Variants in GRIN2C observed in about 807,000 individuals in gnomAD.
GRIN2C encodes the protein glutamate receptor ionotropic, NMDA 2C.
GRIN2C carries 64 observed loss-of-function variants against 77.7 expected under a neutral mutation model. The ratio of observed to expected loss-of-function variants is 0.82; its 90% confidence interval spans 0.67 to 1.01. The LOEUF is 1.01. GRIN2C is among the 50% of genes least tolerant of loss of function. The pLI is 0.00. For missense variants in GRIN2C, 1,549 were observed against 1,486.0 expected, an observed-to-expected ratio of 1.04 and a Z score of -0.70; for synonymous variants, 792 against 643.4, an observed-to-expected ratio of 1.23 and a Z score of -3.49.
chr17:74,842,707 G>A lies in GRIN2C; in HGVS notation c.3430C>T (p.Gln1144Ter). 1 of 717,580 alleles carries A rather than the reference G, an allele frequency of 1.4e-6. No homozygotes were observed. The allele number at this position is 717,580 out of a possible 1,614,324, so 44.5% of individuals were successfully genotyped here. ...TGCAGGCAGACGTGCTGTCTGTGCT[G>A]CCAGGCGGGGGCCCCTGCCTGCTCG... ...EGEQAGAPAW[Q>*]HRQHVCLHAH... The change falls in exon 13 of 13, where the codon CAG (glutamine) becomes TAG (stop). Residue 1144 changes from glutamine (Q) to a stop codon, truncating the protein, a stop_gained. Coordinates refer to ENST00000293190, the MANE Select transcript of GRIN2C (RefSeq NM_000835.6). LOFTEE classifies it high-confidence loss of function.
rs898063755 is a variant in GRIN2C, at chr17:74,849,331, G to A, written c.1645+449C>T. ...GCCTCTGACAGGGAACTTTGGGAAGGCAAAGACTACGCTGTAGCCCCAGCA... is the reference window on the plus strand; with the variant it reads ...GCCTCTGACAGGGAACTTTGGGAAGACAAAGACTACGCTGTAGCCCCAGCA... On this transcript the variant is annotated intron_variant, in intron 7 of 12. Coordinates refer to ENST00000293190, the MANE Select transcript of GRIN2C (RefSeq NM_000835.6). The surrounding 1 kb of genome is among the most constrained non-coding windows in gnomAD (Gnocchi z 4.6). Among the ~76,000 whole-genome samples the A allele has an allele frequency of 2.0e-5, 3 of 152,164 alleles. No homozygotes were observed. The highest frequency in any genetic ancestry group is 2.0e-4 in the Admixed American group (3 of 15,284).
At chr17:74,854,565 C>G (rs1249084808) in intron 2 of GRIN2C, 129 bp downstream of exon 2, 2 of 678,326 alleles carry the variant, frequency 2.9e-6, no homozygotes, top group Non-Finnish European at 5.1e-6. Flanking sequence ...CCCCATCACC[C>G]ACATCATGCC....
chr17:74,847,049 G>A lies in GRIN2C; in HGVS notation c.2002-129C>T. On this transcript the variant is annotated intron_variant, in intron 9 of 12. Coordinates refer to ENST00000293190, the MANE Select transcript of GRIN2C (RefSeq NM_000835.6). The surrounding 1 kb of genome is among the most constrained non-coding windows in gnomAD (Gnocchi z 5.2). ...GTCAGAGCAGAAGGTCTTAAAGGCT[G>A]TCCAGGCCACTCCTGTGTTTTCCAA... 1.0e-6 allele frequency: 1 copy of A among 976,686 alleles called. No individual in the cohort carries two copies. Among genetic ancestry groups the A allele is most frequent in the Non-Finnish European group, 1.5e-6 (1 of 669,340 alleles). 60.5% of individuals were successfully genotyped at this position (976,686 alleles called of 1,614,324 possible).
chr17:74,846,813 C>G lies in GRIN2C; in HGVS notation c.2109G>C (p.Met703Ile). The G allele has an allele frequency of 6.2e-7, 1 of 1,614,172 alleles. No homozygotes were observed. Among genetic ancestry groups the G allele is most frequent in the Non-Finnish European group, 8.5e-7 (1 of 1,180,030 alleles). ...CCACCGAGCGCTGGTTGAACTTGAC[C>G]ATGTGGGTGTGCATGTCACGGTAGT... Reference protein sequence around the residue: ...RSNYRDMHTHMVKFNQRSVED... With the variant: ...RSNYRDMHTHIVKFNQRSVED... The change falls in exon 10 of 13, where the codon ATG (methionine) becomes ATC (isoleucine). Residue 703 changes from methionine to isoleucine, a missense_variant. Met to Ile is a conservative substitution (Grantham distance 10). Around this residue, in one of 3 missense-constraint regions of GRIN2C, gnomAD observed 717 missense variants for 858.1 expected, o/e 0.84. Coordinates refer to ENST00000293190, the MANE Select transcript of GRIN2C (RefSeq NM_000835.6). The surrounding 1 kb of genome is among the most constrained non-coding windows in gnomAD (Gnocchi z 4.4).
Position 74,847,272 on chromosome 17 carries a change from G to GCCCCCCCCC in GRIN2C, c.2001+27_2001+35dup, listed in dbSNP as rs3833106. 3 of 692,326 alleles carry GCCCCCCCCC rather than the reference G, an allele frequency of 4.3e-6. No homozygotes were observed. The highest frequency in any genetic ancestry group is 4.3e-5 in the South Asian group (3 of 70,328). The allele number at this position is 692,326 out of a possible 1,614,324, so 42.9% of individuals were successfully genotyped here. A position where few individuals can be genotyped will look rare whatever the true frequency, so the allele number is the denominator to read the frequency against. On this transcript the variant is annotated intron_variant, in intron 9 of 12. Transcript: ENST00000293190. The surrounding 1 kb of genome is among the most constrained non-coding windows in gnomAD (Gnocchi z 5.2). ...CTCACGGCCTGTCCCCACCCTCAGT[G>GCCCCCCCCC]CCCCCCCCCACCCCCAGCAGCTATG...
chr17:74,847,588 A>AGG lies in GRIN2C; in HGVS notation c.1772-53_1772-52dup. 7.7e-7 allele frequency: 1 copy of AGG among 1,298,804 alleles called. No individual in the cohort carries two copies. Among genetic ancestry groups the AGG allele is most frequent in the Non-Finnish European group, 1.1e-6 (1 of 917,548 alleles). The allele number at this position is 1,298,804 out of a possible 1,614,324, so 80.5% of individuals were successfully genotyped here. A position where few individuals can be genotyped will look rare whatever the true frequency, so the allele number is the denominator to read the frequency against. On this transcript the variant is annotated intron_variant, in intron 8 of 12. Transcript: ENST00000293190. The surrounding 1 kb of genome is among the most constrained non-coding windows in gnomAD (Gnocchi z 5.2). ...TGGAGCTCCTCCTGCCCACCATGAA[A>AGG]GGGCTCAGGGCTCAGCCCACCCGAC...
At position 74,842,209 on chromosome 17, in the gene GRIN2C, C is replaced by A; in HGVS notation, c.*226G>T. 1 of 513,668 alleles carries A rather than the reference C, an allele frequency of 1.9e-6. No individual in the cohort carries two copies. 31.8% of individuals were successfully genotyped at this position (513,668 alleles called of 1,614,324 possible). On this transcript the variant is annotated 3_prime_UTR_variant, in exon 13 of 13. Transcript: ENST00000293190. ...CAGGAGTCTGACCCCCACAGCACAC[C>A]CTCCTGGCAGAACTCTGCGTGAGAA...
Position 74,842,978 on chromosome 17 carries a change from C to T in GRIN2C, c.3159G>A (p.Pro1053=). The change falls in exon 13 of 13, where the codon CCG becomes CCA. Residue 1053 remains proline, a synonymous_variant. Coordinates refer to ENST00000293190, the MANE Select transcript of GRIN2C (RefSeq NM_000835.6). ...LPLFPELEDL[P]LLGPEQLARR... is the part of the protein sequence containing the mutation. The stretch of plus-strand genomic sequence containing the variant: ...GGGCCAGCTGCTCCGGACCGAGCAG[C>T]GGCAGGTCCTCCAGCTCCGGGAAGA... 2.0e-6 allele frequency: 1 copy of T among 493,636 alleles called. No individual in the cohort carries two copies. The highest frequency in any genetic ancestry group is 3.5e-6 in the Non-Finnish European group (1 of 288,858). 30.6% of individuals were successfully genotyped at this position (493,636 alleles called of 1,614,324 possible).
At position 74,850,415 on chromosome 17, in the gene GRIN2C, C is replaced by T. The variant is rs201030716; in HGVS notation, c.1326-44G>A. 35 of 1,597,708 alleles carry T rather than the reference C, an allele frequency of 2.2e-5. No homozygotes were observed. The highest frequency in any genetic ancestry group is 1.7e-4 in the Middle Eastern group (1 of 6,044). ...GAGACCACCGGGAGTCAGAGTATGTCGTGGCCCAGCCCCGCCCCAGCCACT... is the reference window on the plus strand; with the variant it reads ...GAGACCACCGGGAGTCAGAGTATGTTGTGGCCCAGCCCCGCCCCAGCCACT... On this transcript the variant is annotated intron_variant, in intron 5 of 12. Transcript: ENST00000293190. This position sits in a 1 kb window ranked among gnomAD's most constrained non-coding sequence, Gnocchi z 5.3.
At position 74,846,874 on chromosome 17, in the gene GRIN2C, A is replaced by G; in HGVS notation, c.2048T>C (p.Val683Ala). ...DQYPPFRFGTVPNGSTERNIR... is the reference protein window; with the variant it reads ...DQYPPFRFGTAPNGSTERNIR... Reference sequence around the variant, plus strand: ...GTTCCGCTCCGTGCTGCCGTTGGGCACCGTGCCGAAGCGGAAAGGTGGGTA... The same window carrying G: ...GTTCCGCTCCGTGCTGCCGTTGGGCGCCGTGCCGAAGCGGAAAGGTGGGTA... The change falls in exon 10 of 13, where the codon GTG becomes GCG. Residue 683 changes from valine to alanine, a missense_variant. Transcript: ENST00000293190. This position sits in a 1 kb window ranked among gnomAD's most constrained non-coding sequence, Gnocchi z 4.4. 1 of 1,614,074 alleles carries G rather than the reference A, an allele frequency of 6.2e-7. No homozygotes were observed.
Position 74,842,420 on chromosome 17 carries a change from T to C in GRIN2C, c.*15A>G, listed in dbSNP as rs1261168448. On this transcript the variant is annotated 3_prime_UTR_variant, in exon 13 of 13. Transcript: ENST00000293190. ...CAGAGAATCCAGCTGGCTCGGAGCC[T>C]GAGTGGCTGATAACTCACACTTCTG... The C allele has an allele frequency of 3.9e-6, 3 of 767,654 alleles. No individual in the cohort carries two copies. Among genetic ancestry groups the C allele is most frequent in the Non-Finnish European group, 7.3e-6 (3 of 412,618 alleles). The allele number at this position is 767,654 out of a possible 1,614,324, so 47.6% of individuals were successfully genotyped here. A position where few individuals can be genotyped will look rare whatever the true frequency, so the allele number is the denominator to read the frequency against.
In GRIN2C at chr17:74,854,779, G is replaced by A; in HGVS notation, c.314C>T (p.Ala105Val). 6.2e-7 allele frequency: 1 copy of A among 1,613,820 alleles called. No individual in the cohort carries two copies. The highest frequency in any genetic ancestry group is 8.5e-7 in the Non-Finnish European group (1 of 1,179,740). Residue 105 changes from alanine (A) to valine (V), a missense_variant, in exon 2 of 13, where the codon GCC becomes GTC. Coordinates refer to ENST00000293190, the MANE Select transcript of GRIN2C (RefSeq NM_000835.6). Reference sequence around the variant, plus strand: ...GGAGGAGATGAAGTCAAGGATCTGGGCCACCGCCTCGGTGTCCACGTTGTC... The same window carrying A: ...GGAGGAGATGAAGTCAAGGATCTGGACCACCGCCTCGGTGTCCACGTTGTC... ...FEDNVDTEAVAQILDFISSQT... is the reference protein window; with the variant it reads ...FEDNVDTEAVVQILDFISSQT...
At chr17:74,845,584 T>C (rs1357903927) in intron 11 of GRIN2C, among the ~76,000 whole-genome samples, 2 of 152,120 alleles carry the variant, frequency 1.3e-5, no homozygotes, top group Non-Finnish European at 2.9e-5. Context: ...CCATGTCTTA[T>C]CTAACAAGAA....
At position 74,843,301 on chromosome 17, in the gene GRIN2C, G is replaced by A; in HGVS notation, c.2836C>T (p.Leu946=). ...PTPRSGPSPC[L]PTPDPPPEPS... ...TCTGGGGGCGGGTCGGGGGTGGGCA[G>A]GCATGGGCTGGGGCCAGACCGCGGG... Residue 946 remains leucine, a synonymous_variant, in exon 13 of 13, where the codon CTG becomes TTG. Transcript: ENST00000293190. The A allele has an allele frequency of 7.7e-7, 1 of 1,296,152 alleles. No homozygotes were observed. The highest frequency in any genetic ancestry group is 1.0e-6 in the Non-Finnish European group (1 of 957,358). The allele number at this position is 1,296,152 out of a possible 1,614,324, so 80.3% of individuals were successfully genotyped here.
In GRIN2C at chr17:74,854,364, G is replaced by A. The variant is rs867595759; in HGVS notation, c.399+330C>T. 7.3e-5 allele frequency: 20 copies of A among 273,806 alleles called. No individual in the cohort carries two copies. The Middle Eastern group carries it at 7.0e-3, about 96-fold the overall frequency. 17.0% of individuals were successfully genotyped at this position (273,806 alleles called of 1,614,324 possible). On this transcript the variant is annotated intron_variant, in intron 2 of 12. Transcript: ENST00000293190. Reference sequence around the variant, plus strand: ...CCAGAGGGCATGGCACCACCTCCATGCCCGGCTGGCCCTCTGGGTCTTCAC... The same window carrying A: ...CCAGAGGGCATGGCACCACCTCCATACCCGGCTGGCCCTCTGGGTCTTCAC...
chr17:74,847,084 C>CT lies in GRIN2C; in HGVS notation c.2002-165dup, dbSNP rs1268009350. ...CTCCTGTGTTTTCCAAATGGAGACT[C>CT]TGAGGCCCAAGACAGGGAGAGACTT... is the stretch of plus-strand genomic sequence containing the variant. On this transcript the variant is annotated intron_variant, in intron 9 of 12. Coordinates refer to ENST00000293190, the MANE Select transcript of GRIN2C (RefSeq NM_000835.6). This position sits in a 1 kb window ranked among gnomAD's most constrained non-coding sequence, Gnocchi z 5.2. 2 of 799,672 alleles carry CT rather than the reference C, an allele frequency of 2.5e-6. No individual in the cohort carries two copies. The highest frequency in any genetic ancestry group is 3.5e-5 in the African/African-American group (2 of 57,604). The allele number at this position is 799,672 out of a possible 1,614,324, so 49.5% of individuals were successfully genotyped here. A position where few individuals can be genotyped will look rare whatever the true frequency, so the allele number is the denominator to read the frequency against.
chr17:74,855,589 C>T (rs889616980), intron 1 of GRIN2C, among the ~76,000 whole-genome samples: 5 of 152,232 alleles, frequency 3.3e-5, no homozygotes, highest in Non-Finnish European at 7.3e-5. Flanking sequence ...AGTGTGAGGA[C>T]TTAGATGAGC....
chr17:74,860,675 T>C (rs1432259445), upstream of GRIN2C: 2 of 356,316 alleles, frequency 5.6e-6, no homozygotes, highest in East Asian at 7.5e-5. Context: ...CCTCTCTGCC[T>C]ACCCTTCCCT....
At position 74,852,683 on chromosome 17, in the gene GRIN2C, C is replaced by T. The variant is rs1212277714; in HGVS notation, c.400-72G>A. 5 of 698,372 alleles carry T rather than the reference C, an allele frequency of 7.2e-6. No homozygotes were observed. The Admixed American group carries it at 1.7e-4, about 24-fold the overall frequency. 43.3% of individuals were successfully genotyped at this position (698,372 alleles called of 1,614,324 possible). ...CTCCCGCCCCTTCCCCGACCTCGGC[C>T]CCTCCATCAGCTCCCAGGCGCCCTT... On this transcript the variant is annotated intron_variant, in intron 2 of 12. Transcript: ENST00000293190.
Sources: gnomAD v4.1 joint callset for allele counts (sites outside exome capture counted in the v4.1 genomes callset) on GRCh38, gnomAD v4.1.1 for gene constraint, gnomAD v4.1.1 regional missense constraint, Gnocchi (gnomAD v3.1) non-coding constraint, MANE v1.5 for transcripts, NCBI Gene and HGNC (gene_info 2026-07-23, HGNC 2026-07-21) for gene names.